Variants in NTM observed in about 807,000 individuals in gnomAD.
NTM encodes the protein IgLON family member 2.
A neutral mutation model predicts 42.1 loss-of-function variants in NTM; 13 were observed. The ratio of observed to expected loss-of-function variants is 0.31; its 90% CI spans 0.20 to 0.49. The LOEUF (loss-of-function observed/expected upper bound fraction) is 0.49. Ranked by LOEUF, NTM falls within the 20% of genes least tolerant of loss-of-function variation. The pLI is 0.99. For missense variants in NTM, 373 were observed against 452.8 expected (o/e 0.82, Z 1.60); for synonymous variants, 187 against 179.2 (o/e 1.04, Z -0.35).
chr11:132,145,671 T>G (rs1196363023), intron 2 of NTM, among the ~76,000 whole-genome samples: 3 of 152,216 alleles, frequency 2.0e-5, no homozygotes, highest in Admixed American at 1.3e-4. Context: ...CTGGGTATAA[T>G]GAAGATGAAT....
chr11:132,162,344 T>A lies in NTM; in HGVS notation c.400+15830T>A, dbSNP rs972527043. Among the ~76,000 whole-genome samples the A allele has an allele frequency of 2.0e-5, 3 of 150,876 alleles. No individual in the cohort carries two copies. The South Asian group carries it at 6.4e-4, about 32-fold the overall frequency. On this transcript the variant is annotated intron_variant, in intron 3 of 8. Transcript: ENST00000683400. Reference sequence around the variant, plus strand: ...GAGTGTTGATGTGATTGTGTGTGTGTTTGTGGGGCATGTGGGGGGGACTGC... The same window carrying A: ...GAGTGTTGATGTGATTGTGTGTGTGATTGTGGGGCATGTGGGGGGGACTGC...
At chr11:131,636,223 G>A (rs1452220553) in intron 1 of NTM, among the ~76,000 whole-genome samples, 1 of 152,180 alleles carries the variant, frequency 6.6e-6, no homozygotes, top group Non-Finnish European at 1.5e-5. Flanking sequence ...CTCGGATGCA[G>A]AAAAACTAGA....
intron 3 of NTM, among the ~76,000 whole-genome samples, chr11:132,208,388 T>G (rs1210724633): frequency 6.6e-6 from 1 of 152,208 alleles, no homozygotes; most frequent in East Asian, 1.9e-4. Flanking sequence ...CCATGAATGA[T>G]CTGTCTTTCT....
At position 131,943,395 on chromosome 11, in the gene NTM, C is replaced by A. The variant is rs529706330; in HGVS notation, c.167+31747C>A. ...GAGCCGGCTCTGCTGCCCTGCAGCA[C>A]CCAGTTGGGAGGGCCCAGTAACCTG... is the stretch of plus-strand genomic sequence containing the variant. On this transcript the variant is annotated intron_variant, in intron 2 of 8. Transcript: ENST00000683400. 2.6e-5 allele frequency among the ~76,000 whole-genome samples: 4 copies of A among 152,354 alleles called. No homozygotes were observed. In the South Asian group the frequency reaches 8.3e-4, roughly 32 times the overall value.
chr11:131,933,758 G>A (rs2058895391), intron 2 of NTM, among the ~76,000 whole-genome samples: 1 of 152,104 alleles, frequency 6.6e-6, no homozygotes, highest in South Asian at 2.1e-4. Flanking sequence ...CGATGAATTT[G>A]GGTTATTGAA....
At chr11:131,712,613 A>ATT (rs552963623) in intron 1 of NTM, among the ~76,000 whole-genome samples, 109 of 146,352 alleles carry the variant, frequency 7.4e-4, no homozygotes, top group African/African-American at 2.5e-3. Flanking sequence ...GAGACAAGTG[A>ATT]TTTTTTTTTT....
chr11:131,479,613 C>T (rs1953332734), intron 1 of NTM, among the ~76,000 whole-genome samples: 1 of 152,172 alleles, frequency 6.6e-6, no homozygotes, highest in Non-Finnish European at 1.5e-5. Context: ...AAAGTGGGCT[C>T]TGCAATTTTC....
chr11:131,694,672 CCGAAGGACGGCTCCAGAGCCGAGACTGGA>C (rs1181564202), intron 1 of NTM, among the ~76,000 whole-genome samples: 1 of 152,120 alleles, frequency 6.6e-6, no homozygotes, highest in Admixed American at 6.5e-5. Context: ...GGCAGTACCT[CCGAAGGACGGCTCCAGAGCCGAGACTGGA>C]CGTGTGGACA....
chr11:132,316,312 A>C (rs1253679900), intron 7 of NTM, among the ~76,000 whole-genome samples: 1 of 152,210 alleles, frequency 6.6e-6, no homozygotes, highest in African/African-American at 2.4e-5. Context: ...AAAGCAGTGA[A>C]GTGCAGGTCA....
chr11:132,104,936 TG>T (rs2062118294), intron 2 of NTM, among the ~76,000 whole-genome samples: 1 of 14,548 alleles, frequency 6.9e-5, no homozygotes, highest in African/African-American at 3.7e-4. Context: ...TATATACATA[TG>T]TATATATATA....
chr11:131,557,978 C>A (rs1416173871), intron 1 of NTM, among the ~76,000 whole-genome samples: 3 of 152,132 alleles, frequency 2.0e-5, no homozygotes, highest in Admixed American at 6.5e-5. Context: ...AGTTACCTAC[C>A]AATGAAATGT....
intron 2 of NTM, among the ~76,000 whole-genome samples, chr11:132,096,884 C>T (rs1198904123): frequency 6.6e-6 from 1 of 152,174 alleles, no homozygotes. Context: ...CAGAAGGAGG[C>T]TATGCTGGCC....
chr11:131,396,290 G>A (rs1046520558), intron 1 of NTM, among the ~76,000 whole-genome samples: 2 of 152,110 alleles, frequency 1.3e-5, no homozygotes, highest in Non-Finnish European at 2.9e-5. Context: ...AATATTAACT[G>A]GCATTGAAAT....
chr11:132,301,206 AAG>A (rs1364800323), intron 4 of NTM, among the ~76,000 whole-genome samples: 1 of 152,196 alleles, frequency 6.6e-6, no homozygotes, highest in Non-Finnish European at 1.5e-5. Flanking sequence ...CAGCAGGAAG[AAG>A]AGTGAGTGCC....
chr11:132,240,372 C>T (rs963475483), intron 4 of NTM, among the ~76,000 whole-genome samples: 5 of 152,174 alleles, frequency 3.3e-5, no homozygotes, highest in Admixed American at 6.5e-5. Context: ...TAGCAGAAAG[C>T]TCAGAGTATA....
At chr11:132,086,347 G>A (rs537703984) in intron 2 of NTM, among the ~76,000 whole-genome samples, 4 of 147,670 alleles carry the variant, frequency 2.7e-5, no homozygotes, top group Non-Finnish European at 4.5e-5. Flanking sequence ...AAAAATAGTG[G>A]CAAGACAAGG....
intron 1 of NTM, among the ~76,000 whole-genome samples, chr11:131,388,581 G>A (rs7131028): frequency 0.022 from 3,305 of 152,150 alleles, 109 homozygotes; most frequent in African/African-American, 0.075. Context: ...GGTTTTAATG[G>A]CCTATTTATT....
At chr11:131,621,636 C>CAAAAAAAAAAAAAA (rs527788930) in intron 1 of NTM, among the ~76,000 whole-genome samples, 1 of 98,998 alleles carries the variant, frequency 1.0e-5, no homozygotes, top group Non-Finnish European at 2.0e-5. Context: ...CCTATCTTTA[C>CAAAAAAAAAAAAAA]AAAAAAAAAA....
rs892068143 is a variant in NTM at position 132,335,388 on chromosome 11, A to G, written c.*242A>G. On this transcript the variant is annotated 3_prime_UTR_variant, in exon 9 of 9. Coordinates refer to ENST00000683400, the MANE Select transcript of NTM (RefSeq NM_001352005.2). ...GGTACAATGGAGTTTTCTTTTCCCAAACGGGAAGAACACAGCACACCCGGC... is the reference window on the plus strand; with the variant it reads ...GGTACAATGGAGTTTTCTTTTCCCAGACGGGAAGAACACAGCACACCCGGC... 2.1e-6 allele frequency: 1 copy of G among 467,592 alleles called. No individual in the cohort carries two copies. Among genetic ancestry groups the G allele is most frequent in the Non-Finnish European group, 3.9e-6 (1 of 259,308 alleles). The allele number at this position is 467,592 out of a possible 1,614,324, so 29.0% of individuals were successfully genotyped here. A position where few individuals can be genotyped will look rare whatever the true frequency, so the allele number is the denominator to read the frequency against.
Sources: gnomAD v4.1 joint callset for allele counts (sites outside exome capture counted in the v4.1 genomes callset) on GRCh38, gnomAD v4.1.1 for gene constraint, MANE v1.5 for transcripts, NCBI Gene and HGNC (gene_info 2026-07-23, HGNC 2026-07-21) for gene names.